Variants in SCCPDH observed in about 807,000 individuals in gnomAD.
SCCPDH encodes saccharopine dehydrogenase (putative).
Under a neutral mutation model 51.5 loss-of-function variants are expected in SCCPDH, and 34 were observed. The ratio of observed to expected loss-of-function variants is 0.66; its 90% CI spans 0.50 to 0.88. SCCPDH has a LOEUF of 0.88. Among genes scored for constraint, SCCPDH ranks in the 40% least tolerant of loss-of-function variants. The pLI is 0.00. For missense variants in SCCPDH, 464 were observed against 527.1 expected, an observed-to-expected ratio of 0.88 and a Z score of 1.17; for synonymous variants, 187 against 191.3, an observed-to-expected ratio of 0.98 and a Z score of 0.19.
rs751542028 is a variant in SCCPDH at position 246,740,213 on chromosome 1, AGAC to A, written c.427_429del (p.Asp143del). ...AACTGAAGTATCATGAGAAAGCTGC[AGAC>A]AAAGGGGTTTATATCATTGGAAGCA... On this transcript the variant is annotated inframe_deletion, in exon 4 of 12. Coordinates refer to ENST00000366510, the MANE Select transcript of SCCPDH (RefSeq NM_016002.3). The A allele has an allele frequency of 1.7e-5, 28 of 1,606,648 alleles. No homozygotes were observed. The highest frequency in any genetic ancestry group is 2.2e-5 in the Non-Finnish European group (26 of 1,174,540).
chr1:246,735,024 G>A (rs1668546275), intron 2 of SCCPDH, among the ~76,000 whole-genome samples: 1 of 152,014 alleles, frequency 6.6e-6, no homozygotes, highest in African/African-American at 2.4e-5. Flanking sequence ...AATACCACTG[G>A]TTCTTGGCCC....
At position 246,724,460 on chromosome 1, in the gene SCCPDH, TC is replaced by T; in HGVS notation, c.39del (p.Phe13LeufsTer11). ...TEQRPFHLVV[F>X]GASGFTGQFV... is the part of the protein sequence containing the mutation. ...CAGAGGCCTTTCCACCTGGTGGTGT[TC>T]GGCGCGTCTGGCTTCACCGGCCAGT... On this transcript the variant is annotated frameshift_variant, in exon 1 of 12. Coordinates refer to ENST00000366510, the MANE Select transcript of SCCPDH (RefSeq NM_016002.3). LOFTEE classifies it high-confidence loss of function. The T allele has an allele frequency of 6.3e-7, 1 of 1,590,782 alleles. No individual in the cohort carries two copies. Among genetic ancestry groups the T allele is most frequent in the South Asian group, 1.1e-5 (1 of 87,784 alleles).
intron 2 of SCCPDH, among the ~76,000 whole-genome samples, chr1:246,732,790 T>C (rs1360425913): frequency 6.6e-6 from 1 of 152,190 alleles, no homozygotes; most frequent in African/African-American, 2.4e-5. Flanking sequence ...CTAAGCTCTT[T>C]GTATTCTCTT....
intron 5 of SCCPDH, 47 bp from the exon 6 acceptor site, chr1:246,758,179 A>G (rs1272821053): frequency 9.8e-6 from 14 of 1,426,282 alleles, no homozygotes; most frequent in Non-Finnish European, 1.3e-5. Context: ...TTTACATTTT[A>G]GTAACTACCC....
intron 2 of SCCPDH, among the ~76,000 whole-genome samples, chr1:246,733,198 A>C (rs9659021): frequency 0.17 from 25,196 of 151,988 alleles, 3,278 homozygotes; most frequent in African/African-American, 0.35. Context: ...GGGATCTTCC[A>C]GCCTCAGCCC....
At chr1:246,756,323 GA>G (rs1668932057) in intron 5 of SCCPDH, among the ~76,000 whole-genome samples, 1 of 152,154 alleles carries the variant, frequency 6.6e-6, no homozygotes. Flanking sequence ...CTAAAGAAAA[GA>G]ATTTTTCTTG....
chr1:246,766,905 C>G (rs1669093060), intron 11 of SCCPDH, among the ~76,000 whole-genome samples: 2 of 152,082 alleles, frequency 1.3e-5, no homozygotes, highest in Admixed American at 6.5e-5. Context: ...TAAACAGCAG[C>G]GGTTCTTCGG....
intron 5 of SCCPDH, among the ~76,000 whole-genome samples, chr1:246,753,629 C>T (rs545877973): frequency 6.6e-6 from 1 of 151,982 alleles, no homozygotes; most frequent in South Asian, 2.1e-4. Flanking sequence ...AGGTTTTGGG[C>T]GGGAAATTTT....
chr1:246,753,485 C>T (rs1572303302), intron 5 of SCCPDH, among the ~76,000 whole-genome samples: 2 of 152,046 alleles, frequency 1.3e-5, no homozygotes, highest in Non-Finnish European at 2.9e-5. Context: ...TTTATAGGTG[C>T]TTCATCTTTC....
At chr1:246,730,432 C>T (rs1027250585) in intron 2 of SCCPDH, among the ~76,000 whole-genome samples, 1 of 152,182 alleles carries the variant, frequency 6.6e-6, no homozygotes, top group Non-Finnish European at 1.5e-5. Context: ...AGCGTTTAAG[C>T]TTTAGAACCT....
At position 246,744,104 on chromosome 1, in the gene SCCPDH, G is replaced by A. The variant is rs1274350553; in HGVS notation, c.543G>A (p.Leu181=). ...NGTLTAVESF[L]TIHSGPEGLS... ...CTTTGACTGCTGTGGAAAGTTTCCT[G>A]ACTATACATTCAGGACCTGAGGTTG... Residue 181 remains leucine, a synonymous_variant, in exon 5 of 12, where the codon CTG becomes CTA. Coordinates refer to ENST00000366510, the MANE Select transcript of SCCPDH (RefSeq NM_016002.3). 1 of 1,603,506 alleles carries A rather than the reference G, an allele frequency of 6.2e-7. No homozygotes were observed. Among genetic ancestry groups the A allele is most frequent in the Non-Finnish European group, 8.5e-7 (1 of 1,172,562 alleles).
chr1:246,724,823 T>C (rs1233117306), intron 1 of SCCPDH, among the ~76,000 whole-genome samples: 4 of 152,212 alleles, frequency 2.6e-5, no homozygotes, highest in Admixed American at 1.3e-4. Flanking sequence ...GCGTGTATAA[T>C]ATACACACAC....
rs145379933 is a variant in SCCPDH at position 246,759,172 on chromosome 1, T to G, written c.813+21T>G. On this transcript the variant is annotated intron_variant, in intron 7 of 11. Coordinates refer to ENST00000366510, the MANE Select transcript of SCCPDH (RefSeq NM_016002.3). ...CACCAGTAAGTATATATGGTTTATT[T>G]ATCAATAAAGTGTGTGTTACAGTTC... 9.9e-4 allele frequency: 1,213 copies of G among 1,226,186 alleles called. 9 individuals are homozygous for G. In the African/African-American group the frequency reaches 0.015, roughly 15 times the overall value. 76.0% of individuals were successfully genotyped at this position (1,226,186 alleles called of 1,614,324 possible). A position where few individuals can be genotyped will look rare whatever the true frequency, so the allele number is the denominator to read the frequency against.
intron 5 of SCCPDH, among the ~76,000 whole-genome samples, chr1:246,757,718 G>A (rs1338240821): frequency 6.6e-6 from 1 of 152,214 alleles, no homozygotes; most frequent in African/African-American, 2.4e-5. Flanking sequence ...CTTGGGGCTA[G>A]AGTAAGAGGT....
At chr1:246,756,440 A>G (rs1668933600) in intron 5 of SCCPDH, among the ~76,000 whole-genome samples, 1 of 152,236 alleles carries the variant, frequency 6.6e-6, no homozygotes, top group Non-Finnish European at 1.5e-5. Flanking sequence ...ATACATGAAT[A>G]TACAATTTAA....
At chr1:246,740,125 A>G (rs543309858) in intron 3 of SCCPDH, 47 bp from the exon 4 acceptor site, 2 of 1,454,634 alleles carry the variant, frequency 1.4e-6, no homozygotes, top group African/African-American at 1.4e-5. Context: ...ATACTGGTCT[A>G]CATCTTTCTG....
chr1:246,733,620 T>C (rs1254602192), intron 2 of SCCPDH, among the ~76,000 whole-genome samples: 1 of 151,672 alleles, frequency 6.6e-6, no homozygotes, highest in Non-Finnish European at 1.5e-5. Flanking sequence ...AGGCTACACA[T>C]TGAAGCACGT....
At chr1:246,763,968 A>G (rs1267768597) in intron 9 of SCCPDH, among the ~76,000 whole-genome samples, 2 of 152,014 alleles carry the variant, frequency 1.3e-5, no homozygotes, top group Non-Finnish European at 2.9e-5. Context: ...AGATTTCTAT[A>G]TTCTGCCCCC....
chr1:246,745,965 G>A lies in SCCPDH; in HGVS notation c.564+1840G>A, dbSNP rs568852573. Among the ~76,000 whole-genome samples, 702 of 152,076 alleles carry A rather than the reference G, an allele frequency of 4.6e-3. 7 individuals are homozygous for A. Among genetic ancestry groups the A allele is most frequent in the African/African-American group, 0.015 (618 of 41,480 alleles). ...CTACTAAAAATACAAAAAATTAGCT[G>A]GGCGTGGTGGCAGGCACCTGTAGTC... On this transcript the variant is annotated intron_variant, in intron 5 of 11. Transcript: ENST00000366510.
Sources: allele counts gnomAD v4.1 joint callset (sites outside exome capture counted in the v4.1 genomes callset), GRCh38; gene constraint gnomAD v4.1.1; transcripts MANE v1.5; gene names NCBI Gene and HGNC (gene_info 2026-07-23, HGNC 2026-07-21).